Variants in SRRM1 observed in about 807,000 individuals in gnomAD.
The protein encoded by SRRM1 is serine and arginine repetitive matrix 1, also known as serine/arginine repetitive matrix protein 1.
In SRRM1, 19 loss-of-function variants were observed where a neutral mutation model predicts 110.2. That is an observed-to-expected ratio of 0.17 (90% confidence interval 0.12 to 0.25). The LOEUF is 0.25. Ranked by LOEUF, SRRM1 falls within the 10% of genes least tolerant of loss-of-function variation. The pLI is 1.00. For synonymous variants in SRRM1, 443 were observed against 414.9 expected, an observed-to-expected ratio of 1.07 and a Z score of -0.82; for missense variants, 918 against 1,145.8, an observed-to-expected ratio of 0.80 and a Z score of 2.87.
At chr1:24,670,926 C>T (rs947950664) in intron 15 of SRRM1, among the ~76,000 whole-genome samples, 1 of 152,212 alleles carries the variant, frequency 6.6e-6, no homozygotes, top group Non-Finnish European at 1.5e-5. Flanking sequence ...GTCATCCCCA[C>T]TCTAAAGATA....
chr1:24,658,695 A>G (rs1313294384), intron 9 of SRRM1, among the ~76,000 whole-genome samples: 1 of 152,210 alleles, frequency 6.6e-6, no homozygotes, highest in Non-Finnish European at 1.5e-5. Flanking sequence ...ATTAAGTAAC[A>G]CTTAAAAATA....
intron 14 of SRRM1, chr1:24,669,815 G>C (rs868738120): frequency 1.8e-6 from 1 of 567,278 alleles, no homozygotes; most frequent in South Asian, 2.6e-5. Context: ...TTGTTTTTGA[G>C]GGGTATGCTT....
At chr1:24,654,560 G>C (rs1297321118) in intron 8 of SRRM1, among the ~76,000 whole-genome samples, 1 of 152,180 alleles carries the variant, frequency 6.6e-6, no homozygotes, top group Non-Finnish European at 1.5e-5. Context: ...TCCTAAGGCA[G>C]AAGGACTAGT....
intron 15 of SRRM1, 131 bp from the exon 16 acceptor site, chr1:24,671,255 C>G: frequency 1.0e-6 from 1 of 996,258 alleles, no homozygotes; most frequent in Non-Finnish European, 1.5e-6. Flanking sequence ...CTTCCCCACT[C>G]ACACCCTCCA....
At chr1:24,652,801 G>A in intron 7 of SRRM1, 112 bp from the exon 8 acceptor site, 2 of 1,416,484 alleles carry the variant, frequency 1.4e-6, no homozygotes, top group Non-Finnish European at 1.9e-6. Context: ...CTACATAAAT[G>A]GAAAATTTTG....
At chr1:24,661,678 T>G (rs1667289400) in intron 11 of SRRM1, among the ~76,000 whole-genome samples, 2 of 152,182 alleles carry the variant, frequency 1.3e-5, no homozygotes, top group Non-Finnish European at 2.9e-5. Context: ...CCTAAAGCTT[T>G]TATTCAGAAA....
intron 5 of SRRM1, among the ~76,000 whole-genome samples, chr1:24,650,394 T>C (rs537266908): frequency 6.6e-6 from 1 of 152,366 alleles, no homozygotes; most frequent in Non-Finnish European, 1.5e-5. Context: ...TTTAAAAATG[T>C]ACTCTGACTC....
chr1:24,663,924 C>T (rs562297995), intron 12 of SRRM1, among the ~76,000 whole-genome samples: 17 of 144,610 alleles, frequency 1.2e-4, no homozygotes, highest in South Asian at 2.2e-4. Flanking sequence ...TAAATAAAAG[C>T]GAATGGAAGG....
At chr1:24,659,065 A>T (rs1665801161) in intron 9 of SRRM1, among the ~76,000 whole-genome samples, 1 of 152,102 alleles carries the variant, frequency 6.6e-6, no homozygotes, top group Non-Finnish European at 1.5e-5. Context: ...TGGTTGGCGC[A>T]TGCCTGTAAT....
chr1:24,643,412 C>G (rs1654875395), intron 1 of SRRM1, 65 bp downstream of exon 1: 1 of 1,444,432 alleles, frequency 6.9e-7, no homozygotes. Flanking sequence ...GGTAGGAGAC[C>G]TTAGCTTGGC....
At chr1:24,670,349 T>C (rs555672012) in intron 15 of SRRM1, 34 bp downstream of exon 15, 2 of 1,559,860 alleles carry the variant, frequency 1.3e-6, no homozygotes, top group South Asian at 2.4e-5. Flanking sequence ...CACCCTTTTA[T>C]AAATATGTAT....
At chr1:24,664,498 A>G (rs1668907883) in intron 12 of SRRM1, among the ~76,000 whole-genome samples, 2 of 152,222 alleles carry the variant, frequency 1.3e-5, no homozygotes, top group Non-Finnish European at 2.9e-5. Flanking sequence ...TGTCTTAACC[A>G]GCTTTCTGCT....
rs754750080 is a variant in SRRM1, at chr1:24,652,466, T to C, written c.758T>C (p.Ile253Thr). The stretch of plus-strand genomic sequence containing the variant: ...CTGAAAGTTCCCAAACCTGAACCTA[T>C]ACCAGAGCCTAAAGAACCTTCTCCG... The part of the protein sequence containing the change: ...DILKVPKPEP[I>T]PEPKEPSPEK... Residue 253 changes from isoleucine to threonine, a missense_variant, in exon 7 of 17, where the codon ATA becomes ACA. Physicochemically the swap from Ile to Thr is moderately conservative, Grantham distance 89 (BLOSUM62 -1). Transcript: ENST00000323848. The C allele has an allele frequency of 5.0e-6, 8 of 1,588,800 alleles. No homozygotes were observed. The Admixed American group carries it at 6.8e-5, about 14-fold the overall frequency.
intron 12 of SRRM1, chr1:24,663,251 A>G: frequency 6.8e-7 from 1 of 1,479,842 alleles, no homozygotes; most frequent in African/African-American, 1.4e-5. Flanking sequence ...TTTGTAAATT[A>G]GGGTTACATG....
chr1:24,660,874 C>A, intron 10 of SRRM1, 75 bp downstream of exon 10: 1 of 1,048,326 alleles, frequency 9.5e-7, no homozygotes. Flanking sequence ...TGATTTTTTG[C>A]ACATTTGGTC....
At chr1:24,644,871 A>G (rs1656434824) in intron 1 of SRRM1, among the ~76,000 whole-genome samples, 1 of 152,228 alleles carries the variant, frequency 6.6e-6, no homozygotes, top group South Asian at 2.1e-4. Context: ...AAGGTGATTG[A>G]TGAGCAAATT....
rs1365859785 is a variant in SRRM1, at chr1:24,662,770, T to A, written c.1594T>A (p.Ser532Thr). Residue 532 changes from serine (S) to threonine (T), a missense_variant, in exon 12 of 17, where the codon TCA becomes ACA. Transcript: ENST00000323848. Reference protein sequence around the residue: ...RHSPSRSASPSPRKRQKETSP... With the variant: ...RHSPSRSASPTPRKRQKETSP... ...TTCCCCTTCCCGGAGTGCTTCTCCA[T>A]CACCACGAAAGCGCCAAAAAGAGAC... 6.2e-7 allele frequency: 1 copy of A among 1,614,088 alleles called. No homozygotes were observed. The highest frequency in any genetic ancestry group is 8.5e-7 in the Non-Finnish European group (1 of 1,180,030).
chr1:24,647,623 A>G (rs1658329875), intron 3 of SRRM1: 2 of 152,632 alleles, frequency 1.3e-5, no homozygotes, highest in Non-Finnish European at 1.5e-5. Context: ...TACCAATGTG[A>G]ATTTACTTTT....
At chr1:24,661,129 G>A (rs1667024493) in intron 10 of SRRM1, among the ~76,000 whole-genome samples, 181 bp from the exon 11 acceptor site, 1 of 151,816 alleles carries the variant, frequency 6.6e-6, no homozygotes, top group Non-Finnish European at 1.5e-5. Flanking sequence ...TATTATATTT[G>A]GTGAAGATAG....
Sources: allele counts gnomAD v4.1 joint callset (sites outside exome capture counted in the v4.1 genomes callset), GRCh38; gene constraint gnomAD v4.1.1; transcripts MANE v1.5; gene names NCBI Gene and HGNC (gene_info 2026-07-23, HGNC 2026-07-21).